The following LAMA1 variants were observed in gnomAD, a reference collection of about 807,000 sequenced individuals.
The protein encoded by LAMA1 is laminin subunit alpha-1.
In LAMA1, 219 loss-of-function variants were observed where a neutral mutation model predicts 348.7. The observed-to-expected ratio is 0.63, with a 90% CI of 0.56 to 0.70. LAMA1 has a LOEUF of 0.70. Ranked by LOEUF, LAMA1 falls within the 30% of genes least tolerant of loss-of-function variation. The pLI is 0.00. For missense variants in LAMA1, 3,744 were observed against 3,888.0 expected, an observed-to-expected ratio of 0.96 and a Z score of 0.99; for synonymous variants, 1,487 against 1,491.0, an observed-to-expected ratio of 1.00 and a Z score of 0.06.
intron 1 of LAMA1, among the ~76,000 whole-genome samples, chr18:7,096,947 G>A (rs980800873): frequency 9.9e-5 from 15 of 152,172 alleles, no homozygotes; most frequent in Non-Finnish European, 1.5e-4. Context: ...CCAGCCCGTC[G>A]GCAGGGGAGT....
chr18:7,064,103 GC>G (rs1276818593), intron 3 of LAMA1, among the ~76,000 whole-genome samples: 1 of 151,986 alleles, frequency 6.6e-6, no homozygotes, highest in East Asian at 1.9e-4. Flanking sequence ...AGGGTGTCAA[GC>G]CCCCATTCCC....
At chr18:6,983,348 T>G in intron 39 of LAMA1, 114 bp from the exon 40 acceptor site, 10 of 1,047,420 alleles carry the variant, frequency 9.5e-6, no homozygotes, top group Non-Finnish European at 1.2e-5. Context: ...TTCTTTCCCC[T>G]TAGAAGAGTA....
rs777575793 is a variant in LAMA1, at chr18:6,975,963, G to A, written c.6463C>T (p.Leu2155Phe). 8.7e-6 allele frequency: 14 copies of A among 1,614,040 alleles called. No individual in the cohort carries two copies. Among genetic ancestry groups the A allele is most frequent in the African/African-American group, 1.3e-5 (1 of 74,922 alleles). Reference sequence around the variant, plus strand: ...GCGGTGCTGCTACCGAGGTAGAAGAGAAGATTATCGGGTTCCTGTGTCTTA... The same window carrying A: ...GCGGTGCTGCTACCGAGGTAGAAGAAAAGATTATCGGGTTCCTGTGTCTTA... ...NVKTQEPDNL[L>F]FYLGSSTASD... is the part of the protein sequence containing the mutation. Residue 2155 changes from leucine (L) to phenylalanine (F), a missense_variant, in exon 45 of 63, where the codon CTC becomes TTC. Leu to Phe is a conservative substitution (Grantham distance 22). This residue lies in a region of LAMA1 where 1,983 missense variants were observed against 1,934.3 expected (regional missense o/e 1.03). Coordinates refer to ENST00000389658, the MANE Select transcript of LAMA1 (RefSeq NM_005559.4).
At chr18:6,987,109 A>G (rs2057738923) in intron 36 of LAMA1, among the ~76,000 whole-genome samples, 1 of 152,186 alleles carries the variant, frequency 6.6e-6, no homozygotes, top group Non-Finnish European at 1.5e-5. Context: ...TAAATGATGA[A>G]GCTCATTAAA....
intron 62 of LAMA1, 124 bp downstream of exon 62, chr18:6,943,056 A>T: frequency 5.0e-6 from 4 of 801,408 alleles, no homozygotes; most frequent in Non-Finnish European, 8.5e-6. Context: ...CCTTTCTAAA[A>T]TGGTAAAGGA....
chr18:6,948,985 A>G, intron 59 of LAMA1, 116 bp downstream of exon 59: 1 of 1,350,970 alleles, frequency 7.4e-7, no homozygotes, highest in South Asian at 1.3e-5. Flanking sequence ...ACCTCTTCAC[A>G]AGCCCCAGGT....
chr18:6,967,775 T>C (rs1185964301), intron 48 of LAMA1, among the ~76,000 whole-genome samples: 3 of 152,026 alleles, frequency 2.0e-5, no homozygotes, highest in South Asian at 2.1e-4. Context: ...CCTCAGTGCA[T>C]GGCCCTTCCC....
chr18:7,003,018 CCA>C (rs2057814960), intron 29 of LAMA1, among the ~76,000 whole-genome samples: 1 of 151,782 alleles, frequency 6.6e-6, no homozygotes, highest in South Asian at 2.1e-4. Flanking sequence ...GTAGCTGGGA[CCA>C]GAGGCACACG....
Position 7,023,388 on chromosome 18 carries a change from T to C in LAMA1, c.2490-13A>G, listed in dbSNP as rs1194541267. 7 of 1,611,106 alleles carry C rather than the reference T, an allele frequency of 4.3e-6. No individual in the cohort carries two copies. Among genetic ancestry groups the C allele is most frequent in the Non-Finnish European group, 5.1e-6 (6 of 1,177,340 alleles). ...ACCATCTGCACATCTGTATCAAAGA[T>C]TGAAAGTGGGATCAGACAAATGCAG... is the stretch of plus-strand genomic sequence containing the variant. On this transcript the variant is annotated splice_polypyrimidine_tract_variant and intron_variant, in intron 18 of 62. Coordinates refer to ENST00000389658, the MANE Select transcript of LAMA1 (RefSeq NM_005559.4).
chr18:7,023,991 G>A (rs1023523342), intron 18 of LAMA1, among the ~76,000 whole-genome samples: 14 of 151,604 alleles, frequency 9.2e-5, no homozygotes, highest in African/African-American at 3.4e-4. Flanking sequence ...GGCACCCGCC[G>A]TCATGCCCGG....
intron 56 of LAMA1, 111 bp downstream of exon 56, chr18:6,956,514 GCTCCAGCTCCA>G: frequency 1.2e-6 from 1 of 867,000 alleles, no homozygotes; most frequent in South Asian, 1.5e-5. Flanking sequence ...CACAGCTCCA[GCTCCAGCTCCA>G]GCTCCAGCTT....
intron 3 of LAMA1, among the ~76,000 whole-genome samples, chr18:7,078,986 AAAAAATAAAAAAT>A (rs1036088525): frequency 7.2e-5 from 11 of 152,110 alleles, no homozygotes; most frequent in African/African-American, 2.4e-5. Flanking sequence ...ACTTTGTCTC[AAAAAATAAAAAAT>A]AAAAATAAAA....
At chr18:7,046,197 G>A in intron 6 of LAMA1, 81 bp downstream of exon 6, 2 of 905,412 alleles carry the variant, frequency 2.2e-6, no homozygotes. Flanking sequence ...TGTTTGTTTG[G>A]AATAAAAAAG....
intron 48 of LAMA1, among the ~76,000 whole-genome samples, chr18:6,970,518 A>T (rs926615979): frequency 6.6e-6 from 1 of 152,318 alleles, no homozygotes; most frequent in South Asian, 2.1e-4. Context: ...AAAGTCAGGG[A>T]AGAAAATTTT....
chr18:7,078,965 G>A (rs1349094742), intron 3 of LAMA1, among the ~76,000 whole-genome samples: 2 of 151,938 alleles, frequency 1.3e-5, no homozygotes, highest in East Asian at 1.9e-4. Flanking sequence ...CCAGCCTGAC[G>A]ACAGAGTGAG....
chr18:7,044,864 G>GA (rs1450439097), intron 6 of LAMA1, 25 bp from the exon 7 acceptor site: 1 of 1,514,318 alleles, frequency 6.6e-7, no homozygotes, highest in Non-Finnish European at 9.2e-7. Flanking sequence ...AGCCAAAACT[G>GA]AATTAGAAAA....
chr18:7,046,654 G>A (rs1202416391), intron 5 of LAMA1, among the ~76,000 whole-genome samples: 1 of 152,118 alleles, frequency 6.6e-6, no homozygotes, highest in Non-Finnish European at 1.5e-5. Context: ...ATTGAAAACC[G>A]TAAAATAATT....
chr18:7,092,040 A>G (rs2058241655), intron 1 of LAMA1, among the ~76,000 whole-genome samples: 2 of 152,238 alleles, frequency 1.3e-5, no homozygotes, highest in Admixed American at 6.5e-5. Flanking sequence ...CCAATGGCAG[A>G]CAAATATATT....
chr18:6,995,590 C>T lies in LAMA1; in HGVS notation c.4807-144G>A, dbSNP rs979847591. 9 of 661,264 alleles carry T rather than the reference C, an allele frequency of 1.4e-5. No individual in the cohort carries two copies. The African/African-American group carries it at 1.6e-4, about 12-fold the overall frequency. 41.0% of individuals were successfully genotyped at this position (661,264 alleles called of 1,614,324 possible). A position where few individuals can be genotyped will look rare whatever the true frequency, so the allele number is the denominator to read the frequency against. The stretch of plus-strand genomic sequence containing the variant: ...TGTCATTTTAAAAAAAAATGGATCA[C>T]ATTTACTTAGGTTTCGATTATAGCG... On this transcript the variant is annotated intron_variant, in intron 33 of 62. Transcript: ENST00000389658.
Sources: gnomAD v4.1 joint callset for allele counts (sites outside exome capture counted in the v4.1 genomes callset) on GRCh38, gnomAD v4.1.1 for gene constraint, gnomAD v4.1.1 regional missense constraint, MANE v1.5 for transcripts, NCBI Gene and HGNC (gene_info 2026-07-23, HGNC 2026-07-21) for gene names.